NCOR2: variants seen among roughly 807,000 people sequenced by gnomAD.
The protein encoded by NCOR2 is CTG repeat protein 26.
NCOR2 carries 81 observed loss-of-function variants against 262.9 expected under a neutral mutation model. That is an observed-to-expected ratio of 0.31 (90% CI 0.26 to 0.37). The LOEUF is 0.37. Ranked by LOEUF, NCOR2 falls within the 10% of genes least tolerant of loss-of-function variation. NCOR2 has a pLI of 1.00. For synonymous variants in NCOR2, 1,659 were observed against 1,559.3 expected, an observed-to-expected ratio of 1.06 and a Z score of -1.51; for missense variants, 3,385 against 3,621.4, an observed-to-expected ratio of 0.93 and a Z score of 1.68.
In NCOR2 at chr12:124,333,886, A is replaced by G. The variant is rs901665918; in HGVS notation, c.6605+538T>C. On this transcript the variant is annotated intron_variant, in intron 41 of 46. Coordinates refer to ENST00000405201, the Ensembl canonical transcript of NCOR2. Reference sequence around the variant, plus strand: ...TGTGTGCGCATGTGTGCGGGTGTGCATGTGTGTGTGCGCGCGCATGTGTGC... The same window carrying G: ...TGTGTGCGCATGTGTGCGGGTGTGCGTGTGTGTGTGCGCGCGCATGTGTGC... Among the ~76,000 whole-genome samples the G allele has an allele frequency of 1.7e-3, 206 of 120,806 alleles. 4 individuals carry two copies. Among genetic ancestry groups the G allele is most frequent in the Middle Eastern group, 4.3e-3 (1 of 230 alleles). The allele number at this position is 120,806 out of a possible 152,430, so 79.3% of individuals were successfully genotyped here. A position where few individuals can be genotyped will look rare whatever the true frequency, so the allele number is the denominator to read the frequency against.
rs781188511 is a variant in NCOR2, at chr12:124,483,661, G to T, written c.346C>A (p.Pro116Thr). The T allele has an allele frequency of 1.2e-6, 2 of 1,611,754 alleles. No individual in the cohort carries two copies. The highest frequency in any genetic ancestry group is 1.7e-4 in the Middle Eastern group (1 of 6,052). ...AGCAGGGGTGACGGTCGCAGCAGGG[G>T]GTCAGGCAGCAGCTCTAGCCGAGGG... The change falls in exon 3 of 47, where the codon CCC becomes ACC. Residue 116 changes from proline (P) to threonine (T), a missense_variant. Pro to Thr is a conservative substitution (Grantham distance 38, BLOSUM62 -1). This residue lies in a region of NCOR2 where 237 missense variants were observed against 229.4 expected (regional missense o/e 1.03). Coordinates refer to ENST00000405201, the Ensembl canonical transcript of NCOR2. The surrounding 1 kb of genome is among the most constrained non-coding windows in gnomAD (Gnocchi z 6.3).
intron 8 of NCOR2, among the ~76,000 whole-genome samples, chr12:124,431,617 TCAGA>T (rs776789170): frequency 4.5e-5 from 5 of 111,812 alleles, no homozygotes; most frequent in East Asian, 2.5e-4. Context: ...ATACATACAG[TCAGA>T]CAGATATACA....
chr12:124,503,449 G>A lies in NCOR2; in HGVS notation c.-117-8081C>T, dbSNP rs1036443834. Reference sequence around the variant, plus strand: ...AATGCATGCATGGATAGAGAAAGGAGGAAGGATGCATGGACTGATGGATGG... The same window carrying A: ...AATGCATGCATGGATAGAGAAAGGAAGAAGGATGCATGGACTGATGGATGG... On this transcript the variant is annotated intron_variant, in intron 1 of 46. Transcript: ENST00000404621. This position sits in a 1 kb window ranked among gnomAD's most constrained non-coding sequence, Gnocchi z 4.3. 6.6e-6 allele frequency among the ~76,000 whole-genome samples: 1 copy of A among 151,772 alleles called. No individual in the cohort carries two copies. Among genetic ancestry groups the A allele is most frequent in the Non-Finnish European group, 1.5e-5 (1 of 67,938 alleles).
intron 13 of NCOR2, among the ~76,000 whole-genome samples, chr12:124,407,589 G>A (rs948360904): frequency 2.6e-5 from 4 of 152,218 alleles, no homozygotes; most frequent in African/African-American, 9.6e-5. Flanking sequence ...ATAGCAGGTC[G>A]CAGGAAGGAA....
rs1193744531 is a variant in NCOR2 at position 124,448,652 on chromosome 12, G to GCT, written c.815+1162_815+1163insAG. ...TAGGCTGCTGCAACAATGACCAGGT[G>GCT]GCCAAGTTGATCACCTGAGCTTGGA... On this transcript the variant is annotated intron_variant, in intron 7 of 46. Coordinates refer to ENST00000405201, the Ensembl canonical transcript of NCOR2. Among the ~76,000 whole-genome samples, 5 of 152,224 alleles carry GCT rather than the reference G, an allele frequency of 3.3e-5. No homozygotes were observed. In the East Asian group the frequency reaches 7.7e-4, roughly 23 times the overall value.
Position 124,378,160 on chromosome 12 carries a change from G to C in NCOR2, c.2167+77C>G. 1.3e-6 allele frequency: 2 copies of C among 1,554,614 alleles called. No individual in the cohort carries two copies. Among genetic ancestry groups the C allele is most frequent in the South Asian group, 2.4e-5 (2 of 81,722 alleles). Reference sequence around the variant, plus strand: ...GACTCAGGGGAGAGGAGGCTGCCGGGATCAGTTCCCGCTATGCCCTCCCTC... The same window carrying C: ...GACTCAGGGGAGAGGAGGCTGCCGGCATCAGTTCCCGCTATGCCCTCCCTC... On this transcript the variant is annotated intron_variant, in intron 18 of 46. Transcript: ENST00000405201. This position sits in a 1 kb window ranked among gnomAD's most constrained non-coding sequence, Gnocchi z 4.2.
Position 124,430,853 on chromosome 12 carries a change from C to T in NCOR2, c.883-66G>A. The T allele has an allele frequency of 3.9e-6, 6 of 1,532,486 alleles. No homozygotes were observed. In the South Asian group the frequency reaches 4.9e-5, roughly 13 times the overall value. The allele number at this position is 1,532,486 out of a possible 1,614,324, so 94.9% of individuals were successfully genotyped here. A position where few individuals can be genotyped will look rare whatever the true frequency, so the allele number is the denominator to read the frequency against. On this transcript the variant is annotated intron_variant, in intron 8 of 46. Coordinates refer to ENST00000405201, the Ensembl canonical transcript of NCOR2. ...CCTGGCACCCGCCGCCTCCCCCCTGCCCACTCACATGCAGGCAGACACACA... is the reference window on the plus strand; with the variant it reads ...CCTGGCACCCGCCGCCTCCCCCCTGTCCACTCACATGCAGGCAGACACACA...
intron 12 of NCOR2, among the ~76,000 whole-genome samples, chr12:124,421,942 C>T (rs947948152): frequency 1.3e-5 from 2 of 152,222 alleles, no homozygotes; most frequent in Non-Finnish European, 2.9e-5. Flanking sequence ...GGGCTTTAGG[C>T]CTCAGGTCCA....
chr12:124,338,828 C>T (rs1165857984), intron 37 of NCOR2, among the ~76,000 whole-genome samples: 1 of 152,036 alleles, frequency 6.6e-6, no homozygotes, highest in Non-Finnish European at 1.5e-5. Flanking sequence ...CGTCCATCCA[C>T]TGGGGCCTCC....
At chr12:124,505,145 C>T (rs936018797) in intron 1 of NCOR2, among the ~76,000 whole-genome samples, 6 of 152,004 alleles carry the variant, frequency 3.9e-5, no homozygotes, top group South Asian at 2.1e-4. Flanking sequence ...CTATTTGCCA[C>T]GTCCCCTCCT....
rs1284145064 is a variant in NCOR2 at position 124,504,792 on chromosome 12, A to G, written c.-117-9424T>C. ...AAGAAGCCGCTCAGAAAGGCCACGCACTGCATGATTCCATTAACTTCACAG... is the reference window on the plus strand; with the variant it reads ...AAGAAGCCGCTCAGAAAGGCCACGCGCTGCATGATTCCATTAACTTCACAG... On this transcript the variant is annotated intron_variant, in intron 1 of 46. Coordinates refer to the NCOR2 transcript ENST00000404621. The surrounding 1 kb of genome is among the most constrained non-coding windows in gnomAD (Gnocchi z 4.5). Among the ~76,000 whole-genome samples the G allele has an allele frequency of 6.6e-6, 1 of 152,222 alleles. No individual in the cohort carries two copies. Among genetic ancestry groups the G allele is most frequent in the African/African-American group, 2.4e-5 (1 of 41,462 alleles).
exon 29 of NCOR2, chr12:124,348,268 G>A: frequency 6.2e-7 from 1 of 1,613,148 alleles, no homozygotes; most frequent in Non-Finnish European, 8.5e-7. Flanking sequence ...GGGGTCCTGA[G>A]CTGCTTCTGC....
At chr12:124,544,168 C>A (rs547715342) in intron 1 of NCOR2, among the ~76,000 whole-genome samples, 10 of 152,162 alleles carry the variant, frequency 6.6e-5, no homozygotes, top group Non-Finnish European at 1.3e-4. Context: ...ATGGAAGCTT[C>A]GGGAAACCTC....
intron 13 of NCOR2, among the ~76,000 whole-genome samples, chr12:124,410,129 G>A (rs1424414189): frequency 6.6e-6 from 1 of 150,426 alleles, no homozygotes; most frequent in Non-Finnish European, 1.5e-5. Flanking sequence ...AGACACCAAG[G>A]CTGCTGTTCT....
At chr12:124,330,758 C>A (rs1264944526) in intron 44 of NCOR2, 87 bp downstream of exon 46, 39 of 1,441,498 alleles carry the variant, frequency 2.7e-5, no homozygotes, top group Non-Finnish European at 3.5e-5. Context: ...AGCGAAGGCT[C>A]CTCGTCCCTT....
At chr12:124,385,234 A>G (rs567208774) in intron 17 of NCOR2, among the ~76,000 whole-genome samples, 4 of 152,140 alleles carry the variant, frequency 2.6e-5, no homozygotes, top group African/African-American at 7.2e-5. Context: ...GGCCTGCCTC[A>G]AGCCCTCCAG....
chr12:124,445,560 G>A (rs558706083), intron 7 of NCOR2, among the ~76,000 whole-genome samples: 1 of 152,300 alleles, frequency 6.6e-6, no homozygotes, highest in South Asian at 2.1e-4. Context: ...TCTGGGGAGG[G>A]AACGACCTCC....
In NCOR2 at chr12:124,517,658, C is replaced by A. The variant is rs938380070; in HGVS notation, c.-118+17907G>T. ...TGAAGTCAACTCCGGGAACAGAAGC[C>A]CCCTGAGCCCCCAAGGCTCGCCATG... is the stretch of plus-strand genomic sequence containing the variant. On this transcript the variant is annotated intron_variant, in intron 1 of 46. Coordinates refer to the NCOR2 transcript ENST00000404621. This position sits in a 1 kb window ranked among gnomAD's most constrained non-coding sequence, Gnocchi z 7.6. 6.6e-6 allele frequency among the ~76,000 whole-genome samples: 1 copy of A among 152,202 alleles called. No individual in the cohort carries two copies. The highest frequency in any genetic ancestry group is 6.5e-5 in the Admixed American group (1 of 15,294).
chr12:124,482,298 G>A lies in NCOR2; in HGVS notation c.411+1298C>T, dbSNP rs2047536610. On this transcript the variant is annotated intron_variant, in intron 3 of 46. Coordinates refer to ENST00000405201, the Ensembl canonical transcript of NCOR2. This position sits in a 1 kb window ranked among gnomAD's most constrained non-coding sequence, Gnocchi z 6.3. The stretch of plus-strand genomic sequence containing the variant: ...CTGTGGGTATCTGGCAGGTGTGCAG[G>A]TGTCGGGGCCACAGCCACTCAGAGC... 6.6e-6 allele frequency among the ~76,000 whole-genome samples: 1 copy of A among 152,026 alleles called. No individual in the cohort carries two copies. The highest frequency in any genetic ancestry group is 2.4e-5 in the African/African-American group (1 of 41,384).
Sources: gnomAD v4.1 joint callset for allele counts (sites outside exome capture counted in the v4.1 genomes callset) on GRCh38, gnomAD v4.1.1 for gene constraint, gnomAD v4.1.1 regional missense constraint, Gnocchi (gnomAD v3.1) non-coding constraint, MANE v1.5 for transcripts, NCBI Gene and HGNC (gene_info 2026-07-23, HGNC 2026-07-21) for gene names.